Variants in DDC observed in about 807,000 individuals in gnomAD.
The protein encoded by DDC is aromatic-L-amino-acid decarboxylase.
DDC carries 43 observed loss-of-function variants against 60.0 expected under a neutral mutation model. The observed-to-expected ratio is 0.72, with a 90% confidence interval of 0.56 to 0.92. The LOEUF (loss-of-function observed/expected upper bound fraction) is 0.92, where lower values mean the gene tolerates loss of function less well. DDC is among the 40% of genes least tolerant of loss of function. The pLI is 0.00. For synonymous variants in DDC, 232 were observed against 234.6 expected (o/e 0.99, Z 0.10); for missense variants, 573 against 620.2 (o/e 0.92, Z 0.81).
At chr7:50,486,458 T>C (rs1240383070) in intron 9 of DDC, among the ~76,000 whole-genome samples, 2 of 152,212 alleles carry the variant, frequency 1.3e-5, no homozygotes, top group African/African-American at 2.4e-5. Context: ...GTTTCATAGC[T>C]ATCAAATAAA....
intron 11 of DDC, 55 bp downstream of exon 11, chr7:50,476,569 G>A (rs2042648985): frequency 9.2e-6 from 13 of 1,415,046 alleles, no homozygotes; most frequent in African/African-American, 2.1e-5. Context: ...CAGCTGTGGC[G>A]TAGCCCCCCA....
intron 9 of DDC, chr7:50,492,611 T>C: frequency 1.0e-6 from 1 of 966,592 alleles, no homozygotes; most frequent in Non-Finnish European, 1.3e-6. Context: ...CACCCTTCTC[T>C]TGTGGCAGAC....
In DDC at chr7:50,529,259, C is replaced by T. The variant is rs770780468; in HGVS notation, c.519G>A (p.Glu173=). The T allele has an allele frequency of 6.2e-7, 1 of 1,613,872 alleles. No homozygotes were observed. Among genetic ancestry groups the T allele is most frequent in the Admixed American group, 1.7e-5 (1 of 60,010 alleles). ...VIHRLQAASP[E]LTQAAIMEKL... is the part of the protein sequence containing the mutation. ...TCTCCATGATAGCGGCCTGTGTGAGCTCTGGGGACGCTGCCTGCAGCCGAT... is the reference window on the plus strand; with the variant it reads ...TCTCCATGATAGCGGCCTGTGTGAGTTCTGGGGACGCTGCCTGCAGCCGAT... The change falls in exon 5 of 15, where the codon GAG becomes GAA. Residue 173 remains glutamate, a synonymous_variant. Transcript: ENST00000444124.
intron 11 of DDC, among the ~76,000 whole-genome samples, chr7:50,472,604 CCT>C (rs1261148589): frequency 1.3e-5 from 2 of 152,074 alleles, no homozygotes; most frequent in Admixed American, 1.3e-4. Context: ...CTTTTCTGAA[CCT>C]CTGTCTCCTC....
At chr7:50,474,173 C>T (rs2042590889) in intron 11 of DDC, among the ~76,000 whole-genome samples, 1 of 152,240 alleles carries the variant, frequency 6.6e-6, no homozygotes, top group Admixed American at 6.5e-5. Flanking sequence ...CAATGCCTTT[C>T]ATTAAGCTAG....
intron 1 of DDC, among the ~76,000 whole-genome samples, chr7:50,557,875 T>C (rs2045236067): frequency 6.6e-6 from 1 of 152,262 alleles, no homozygotes. Context: ...CCATCAGGCA[T>C]TGAGCATAGA....
At chr7:50,563,178 A>G (rs1282016689) in intron 1 of DDC, among the ~76,000 whole-genome samples, 1 of 152,128 alleles carries the variant, frequency 6.6e-6, no homozygotes, top group Non-Finnish European at 1.5e-5. Context: ...AAAAAAAAAA[A>G]AAAAAAGTCC....
intron 12 of DDC, among the ~76,000 whole-genome samples, chr7:50,469,338 G>A (rs1006295426): frequency 1.3e-5 from 2 of 151,700 alleles, no homozygotes; most frequent in Non-Finnish European, 2.9e-5. Context: ...TAGAGAAGGT[G>A]TCTGGTTTGC....
chr7:50,505,216 T>A (rs1381476224), intron 6 of DDC, among the ~76,000 whole-genome samples: 3 of 152,220 alleles, frequency 2.0e-5, no homozygotes, highest in African/African-American at 7.2e-5. Flanking sequence ...CTCATTGTTT[T>A]GTGTTGGGCT....
intron 9 of DDC, among the ~76,000 whole-genome samples, chr7:50,490,792 G>T (rs1009403166): frequency 6.6e-6 from 1 of 152,200 alleles, no homozygotes; most frequent in Admixed American, 6.5e-5. Context: ...GAGCGAGAGA[G>T]CAAACCTATA....
At chr7:50,498,870 A>T (rs1475256686) in intron 8 of DDC, among the ~76,000 whole-genome samples, 2 of 152,148 alleles carry the variant, frequency 1.3e-5, no homozygotes, top group Non-Finnish European at 2.9e-5. Flanking sequence ...TTTTGTTCCT[A>T]CTTTCCCACA....
At chr7:50,541,386 G>A (rs545621480) in intron 2 of DDC, 9 of 152,380 alleles carry the variant, frequency 5.9e-5, no homozygotes, top group East Asian at 5.8e-4. Flanking sequence ...ATGCTCTATC[G>A]GGCTTGGCTG....
intron 1 of DDC, 64 bp from the exon 2 acceptor site, chr7:50,544,177 C>G (rs1489981127): frequency 7.7e-7 from 1 of 1,291,200 alleles, no homozygotes; most frequent in African/African-American, 1.5e-5. Flanking sequence ...GCGGGGATAC[C>G]AAGCAAGCCG....
chr7:50,506,593 G>A (rs1563011610), intron 6 of DDC, among the ~76,000 whole-genome samples: 1 of 152,238 alleles, frequency 6.6e-6, no homozygotes, highest in Non-Finnish European at 1.5e-5. Flanking sequence ...TCCAGGGTCA[G>A]CAAGACCCAA....
chr7:50,469,125 T>C (rs1260364908), intron 12 of DDC, among the ~76,000 whole-genome samples: 2 of 104,848 alleles, frequency 1.9e-5, no homozygotes, highest in Non-Finnish European at 4.4e-5. Context: ...ATTTTTTTTT[T>C]AGTAGAGACA....
intron 6 of DDC, among the ~76,000 whole-genome samples, chr7:50,521,434 G>A (rs2043886875): frequency 1.3e-5 from 2 of 152,164 alleles, no homozygotes; most frequent in African/African-American, 4.8e-5. Context: ...CTCATTCTAT[G>A]AGACCAGTAT....
At chr7:50,499,061 A>G in intron 8 of DDC, 87 bp downstream of exon 8, 6 of 1,057,536 alleles carry the variant, frequency 5.7e-6, no homozygotes, top group Non-Finnish European at 8.9e-6. Flanking sequence ...CAATAGCAAG[A>G]GACTGGACGT....
At chr7:50,551,175 C>T (rs2044979734) in intron 1 of DDC, among the ~76,000 whole-genome samples, 1 of 151,746 alleles carries the variant, frequency 6.6e-6, no homozygotes, top group Non-Finnish European at 1.5e-5. Context: ...ACCATACAAT[C>T]ACTGGGCTTG....
chr7:50,529,560 T>C (rs1042128413), intron 4 of DDC, among the ~76,000 whole-genome samples: 3 of 152,182 alleles, frequency 2.0e-5, no homozygotes, highest in Non-Finnish European at 4.4e-5. Flanking sequence ...GTGGGTCTAT[T>C]TTGTGTAACA....
Sources: gnomAD v4.1 joint callset for allele counts (sites outside exome capture counted in the v4.1 genomes callset) on GRCh38, gnomAD v4.1.1 for gene constraint, MANE v1.5 for transcripts, NCBI Gene and HGNC (gene_info 2026-07-23, HGNC 2026-07-21) for gene names.